Variants in PREX2 observed in about 807,000 individuals in gnomAD.
PREX2 encodes the protein phosphatidylinositol-3,4,5-trisphosphate dependent Rac exchange factor 2.
A neutral mutation model predicts 203.2 loss-of-function variants in PREX2; 107 were observed. The ratio of observed to expected loss-of-function variants is 0.53; its 90% CI spans 0.45 to 0.62. PREX2 has a LOEUF of 0.62. PREX2 is among the 20% of genes least tolerant of loss of function. The probability of loss-of-function intolerance (pLI) is 0.00; values close to 1 mark genes in which losing one functional copy is unlikely to be tolerated. For missense variants in PREX2, 1,777 were observed against 1,955.9 expected, an observed-to-expected ratio of 0.91 and a Z score of 1.72; for synonymous variants, 672 against 663.6, an observed-to-expected ratio of 1.01 and a Z score of -0.19.
At chr8:68,077,357 A>G in intron 14 of PREX2, 40 bp from the exon 15 acceptor site, 1 of 1,433,792 alleles carries the variant, frequency 7.0e-7, no homozygotes, top group Non-Finnish European at 9.8e-7. Flanking sequence ...CAAAGCCTTT[A>G]GTTGCCTATT....
chr8:68,174,039 T>C (rs1011999611), intron 35 of PREX2, among the ~76,000 whole-genome samples: 2 of 152,170 alleles, frequency 1.3e-5, no homozygotes, highest in African/African-American at 4.8e-5. Context: ...ACAAGGACAA[T>C]CCATCTTAAA....
At chr8:67,966,600 AAAAC>A (rs1289959073) in intron 1 of PREX2, among the ~76,000 whole-genome samples, 2 of 152,180 alleles carry the variant, frequency 1.3e-5, no homozygotes, top group East Asian at 1.9e-4. Flanking sequence ...CTGTCTCTAA[AAAAC>A]AAACAAACAA....
chr8:68,206,498 T>C (rs1474258612), intron 37 of PREX2, among the ~76,000 whole-genome samples: 5 of 152,114 alleles, frequency 3.3e-5, no homozygotes, highest in Non-Finnish European at 7.4e-5. Flanking sequence ...GGGAGGACTA[T>C]GAAAAATACA....
intron 35 of PREX2, 117 bp from the exon 36 acceptor site, chr8:68,191,605 C>A: frequency 1.4e-6 from 1 of 711,116 alleles, no homozygotes; most frequent in Non-Finnish European, 2.4e-6. Context: ...TTCTAATGTT[C>A]AATGCTTTTG....
chr8:67,986,997 CAA>C (rs1003152307), intron 1 of PREX2, among the ~76,000 whole-genome samples: 1 of 151,644 alleles, frequency 6.6e-6, no homozygotes, highest in African/African-American at 2.4e-5. Context: ...ACTAAAAATA[CAA>C]AAAATTAGCC....
At chr8:68,170,511 G>A (rs1410729794) in intron 35 of PREX2, among the ~76,000 whole-genome samples, 1 of 152,182 alleles carries the variant, frequency 6.6e-6, no homozygotes, top group East Asian at 1.9e-4. Context: ...CATCCTAGTT[G>A]CCTGGAGAAA....
chr8:68,086,459 A>G (rs1190683084), intron 18 of PREX2, among the ~76,000 whole-genome samples: 1 of 152,032 alleles, frequency 6.6e-6, no homozygotes, highest in Admixed American at 6.5e-5. Context: ...TGCTGCTGAC[A>G]TTTGCTTTGT....
At chr8:68,188,337 T>C (rs1010714463) in intron 35 of PREX2, among the ~76,000 whole-genome samples, 5 of 152,074 alleles carry the variant, frequency 3.3e-5, no homozygotes, top group African/African-American at 1.2e-4. Flanking sequence ...TTAAAAACCA[T>C]CCCACTTCAA....
At position 68,134,052 on chromosome 8, in the gene PREX2, A is replaced by G. The variant is rs1585818783; in HGVS notation, c.3767-7A>G. ...CGAAGCATTCTCTATGTTCTCTTTG[A>G]TCACAGATAGTGAGACACAGCTCCG... On this transcript the variant is annotated splice_polypyrimidine_tract_variant and splice_region_variant and intron_variant, in intron 31 of 39. Transcript: ENST00000288368. 1 of 1,612,040 alleles carries G rather than the reference A, an allele frequency of 6.2e-7. No individual in the cohort carries two copies. The highest frequency in any genetic ancestry group is 1.7e-5 in the Admixed American group (1 of 59,974).
At chr8:68,051,242 G>A (rs150967854) in intron 8 of PREX2, among the ~76,000 whole-genome samples, 166 of 152,214 alleles carry the variant, frequency 1.1e-3, no homozygotes, top group African/African-American at 3.8e-3. Flanking sequence ...CTCTGTGGGA[G>A]GGCTACACTG....
chr8:68,210,602 G>A (rs1812723976), intron 37 of PREX2, among the ~76,000 whole-genome samples: 1 of 152,150 alleles, frequency 6.6e-6, no homozygotes, highest in Non-Finnish European at 1.5e-5. Context: ...GCCCAAAAGG[G>A]GTGTTACATC....
At chr8:68,088,325 CTCT>C (rs1426537436) in intron 19 of PREX2, among the ~76,000 whole-genome samples, 3 of 152,086 alleles carry the variant, frequency 2.0e-5, no homozygotes, top group East Asian at 1.9e-4. Flanking sequence ...TTATTGACAT[CTCT>C]TCTTATCATA....
chr8:68,167,560 T>G (rs559678696), intron 35 of PREX2, among the ~76,000 whole-genome samples: 2 of 152,236 alleles, frequency 1.3e-5, no homozygotes, highest in Non-Finnish European at 1.5e-5. Context: ...CCTGAACTCC[T>G]GACCTCAGGT....
chr8:68,169,812 C>T (rs1028581678), intron 35 of PREX2, among the ~76,000 whole-genome samples: 7 of 152,236 alleles, frequency 4.6e-5, no homozygotes, highest in Non-Finnish European at 8.8e-5. Context: ...CCCCAACTGC[C>T]CTGATTCCGT....
intron 19 of PREX2, among the ~76,000 whole-genome samples, chr8:68,089,699 G>C (rs1809808492): frequency 6.6e-6 from 1 of 152,168 alleles, no homozygotes; most frequent in Non-Finnish European, 1.5e-5. Flanking sequence ...GAAATGCAAA[G>C]ATATATTCTT....
Position 68,234,884 on chromosome 8 carries a change from G to T in PREX2, c.*3506G>T, listed in dbSNP as rs757450178. Reference sequence around the variant, plus strand: ...TTCTGAGTCTATTAATTTAAATTTTGGGATCATTACATTCAGAATGAAATG... The same window carrying T: ...TTCTGAGTCTATTAATTTAAATTTTTGGATCATTACATTCAGAATGAAATG... On this transcript the variant is annotated 3_prime_UTR_variant, in exon 40 of 40. Coordinates refer to ENST00000288368, the MANE Select transcript of PREX2 (RefSeq NM_024870.4). 6 of 151,942 alleles carry T rather than the reference G, an allele frequency of 3.9e-5. No individual in the cohort carries two copies. The highest frequency in any genetic ancestry group is 7.4e-5 in the Non-Finnish European group (5 of 67,994). The allele number at this position is 151,942 out of a possible 1,614,324, so 9.4% of individuals were successfully genotyped here. A position where few individuals can be genotyped will look rare whatever the true frequency, so the allele number is the denominator to read the frequency against.
chr8:68,146,631 A>G (rs1811331262), intron 34 of PREX2, among the ~76,000 whole-genome samples: 1 of 152,186 alleles, frequency 6.6e-6, no homozygotes, highest in Admixed American at 6.5e-5. Context: ...AGTAAGTTAA[A>G]TTATGGTAAA....
At chr8:67,984,113 G>A (rs1304290960) in intron 1 of PREX2, among the ~76,000 whole-genome samples, 1 of 152,170 alleles carries the variant, frequency 6.6e-6, no homozygotes, top group Non-Finnish European at 1.5e-5. Context: ...GTTCTAAGGT[G>A]TCAGCTTCTT....
At chr8:68,185,680 C>A (rs1294720368) in intron 35 of PREX2, among the ~76,000 whole-genome samples, 2 of 149,698 alleles carry the variant, frequency 1.3e-5, no homozygotes, top group African/African-American at 2.5e-5. Flanking sequence ...CTATAACTTA[C>A]ATTTTACCAC....
Sources: allele counts gnomAD v4.1 joint callset (sites outside exome capture counted in the v4.1 genomes callset), GRCh38; gene constraint gnomAD v4.1.1; transcripts MANE v1.5; gene names NCBI Gene and HGNC (gene_info 2026-07-23, HGNC 2026-07-21).